Variants in PCDH9 observed in about 807,000 individuals in gnomAD.
The protein encoded by PCDH9 is protocadherin 9.
Under a neutral mutation model 70.6 loss-of-function variants are expected in PCDH9, and 24 were observed. The ratio of observed to expected loss-of-function variants is 0.34; its 90% CI spans 0.25 to 0.48. The LOEUF (loss-of-function observed/expected upper bound fraction) is 0.48, where lower values mean the gene tolerates loss of function less well. PCDH9 is among the 20% of genes least tolerant of loss of function. The probability of loss-of-function intolerance (pLI) is 0.99; values close to 1 mark genes in which losing one functional copy is unlikely to be tolerated. For missense variants in PCDH9, 1,281 were observed against 1,503.6 expected, an observed-to-expected ratio of 0.85 and a Z score of 2.45; for synonymous variants, 562 against 558.5, an observed-to-expected ratio of 1.01 and a Z score of -0.09.
At chr13:66,584,298 C>CA (rs2076933852) in intron 4 of PCDH9, among the ~76,000 whole-genome samples, 1 of 152,078 alleles carries the variant, frequency 6.6e-6, no homozygotes, top group African/African-American at 2.4e-5. Context: ...TGCAATATCT[C>CA]AAAGCAATCC....
At chr13:67,001,598 G>T (rs9540966) in intron 2 of PCDH9, among the ~76,000 whole-genome samples, 7,816 of 152,136 alleles carry the variant, frequency 0.051, 260 homozygotes, top group Non-Finnish European at 0.08. Context: ...GTGTTGTTTG[G>T]CTGTGACTGA....
intron 4 of PCDH9, among the ~76,000 whole-genome samples, chr13:66,567,448 C>T (rs1303895270): frequency 6.6e-6 from 1 of 152,076 alleles, no homozygotes; most frequent in African/African-American, 2.4e-5. Context: ...AATCTTTAAC[C>T]TTCAATTATT....
At chr13:67,001,739 C>T (rs1260441723) in intron 2 of PCDH9, 1 of 152,248 alleles carries the variant, frequency 6.6e-6, no homozygotes, top group Non-Finnish European at 1.5e-5. Flanking sequence ...CGCTTAAGAG[C>T]AGAACCTTGA....
chr13:66,965,134 A>C (rs1042386607), intron 2 of PCDH9, among the ~76,000 whole-genome samples: 11 of 152,116 alleles, frequency 7.2e-5, no homozygotes, highest in Admixed American at 1.3e-4. Flanking sequence ...TATAATGAAT[A>C]AAATTTAAAA....
Position 66,987,122 on chromosome 13 carries a change from A to G in PCDH9, c.3037-83517T>C, listed in dbSNP as rs574774916. Among the ~76,000 whole-genome samples, 17 of 152,166 alleles carry G rather than the reference A, an allele frequency of 1.1e-4. No homozygotes were observed. The South Asian group carries it at 3.5e-3, about 32-fold the overall frequency. On this transcript the variant is annotated intron_variant, in intron 2 of 4. Coordinates refer to ENST00000377865, the MANE Select transcript of PCDH9 (RefSeq NM_203487.3). ...CTTAAATTTATTACAATGAATATGT[A>G]TGTTCTTATAATTTAAAAGTAAATA...
At chr13:67,187,991 T>C (rs886080430) in intron 2 of PCDH9, among the ~76,000 whole-genome samples, 2 of 152,118 alleles carry the variant, frequency 1.3e-5, no homozygotes, top group African/African-American at 4.8e-5. Flanking sequence ...CTGTAATCAT[T>C]GTGACTATAG....
chr13:66,353,199 A>G (rs1000291067), intron 4 of PCDH9, among the ~76,000 whole-genome samples: 1 of 152,198 alleles, frequency 6.6e-6, no homozygotes, highest in Non-Finnish European at 1.5e-5. Context: ...CTGCACTTAC[A>G]TACTGGTAGA....
At chr13:66,836,384 G>A (rs992113691) in intron 3 of PCDH9, among the ~76,000 whole-genome samples, 2 of 151,828 alleles carry the variant, frequency 1.3e-5, no homozygotes, top group African/African-American at 4.8e-5. Flanking sequence ...TTATTTTCAT[G>A]TATTTTTTTA....
rs74095349 is a variant in PCDH9, at chr13:67,151,350, C to T, written c.3036+74055G>A. On this transcript the variant is annotated intron_variant, in intron 2 of 4. Transcript: ENST00000377865. Reference sequence around the variant, plus strand: ...ATTTGTTCCTCTTTAGGGATATTAACGTTTAATGCAATGAAAGAACATGAC... The same window carrying T: ...ATTTGTTCCTCTTTAGGGATATTAATGTTTAATGCAATGAAAGAACATGAC... 7.1e-3 allele frequency among the ~76,000 whole-genome samples: 1,073 copies of T among 152,176 alleles called. 12 individuals are homozygous for T. The highest frequency in any genetic ancestry group is 0.024 in the African/African-American group (1,016 of 41,530).
At chr13:67,154,187 T>C (rs1476039787) in intron 2 of PCDH9, among the ~76,000 whole-genome samples, 1 of 152,162 alleles carries the variant, frequency 6.6e-6, no homozygotes, top group Non-Finnish European at 1.5e-5. Flanking sequence ...GTGTGGTGGC[T>C]CATGCCTGTA....
Position 66,516,273 on chromosome 13 carries a change from G to A in PCDH9, c.3340+114937C>T, listed in dbSNP as rs1301278430. On this transcript the variant is annotated intron_variant, in intron 4 of 4. Transcript: ENST00000377865. ...ACTTATTAAGACAATCACGTATATAGTAGTTCAAGATTATTACTGGGTCTT... is the reference window on the plus strand; with the variant it reads ...ACTTATTAAGACAATCACGTATATAATAGTTCAAGATTATTACTGGGTCTT... Among the ~76,000 whole-genome samples, 3 of 151,878 alleles carry A rather than the reference G, an allele frequency of 2.0e-5. No individual in the cohort carries two copies. The East Asian group carries it at 5.8e-4, about 29-fold the overall frequency.
intron 3 of PCDH9, among the ~76,000 whole-genome samples, chr13:66,801,692 C>G (rs1052741335): frequency 6.6e-6 from 1 of 152,014 alleles, no homozygotes; most frequent in African/African-American, 2.4e-5. Flanking sequence ...TCTGAATGTT[C>G]AGGATTAACT....
At chr13:67,044,388 A>G (rs1230391393) in intron 2 of PCDH9, among the ~76,000 whole-genome samples, 1 of 152,220 alleles carries the variant, frequency 6.6e-6, no homozygotes, top group Admixed American at 6.5e-5. Context: ...ATGGTTATCA[A>G]AATGATACCC....
chr13:66,488,716 T>G (rs1218128323), intron 4 of PCDH9, among the ~76,000 whole-genome samples: 1 of 152,180 alleles, frequency 6.6e-6, no homozygotes, highest in Non-Finnish European at 1.5e-5. Context: ...TATATATGTG[T>G]GTGAATTTAA....
At chr13:67,190,411 T>G (rs1284744720) in intron 2 of PCDH9, among the ~76,000 whole-genome samples, 1 of 152,018 alleles carries the variant, frequency 6.6e-6, no homozygotes, top group Non-Finnish European at 1.5e-5. Flanking sequence ...GCTAGACTTC[T>G]TTATGGTAAT....
intron 3 of PCDH9, among the ~76,000 whole-genome samples, chr13:66,902,114 G>T (rs1012913814): frequency 6.6e-6 from 1 of 151,564 alleles, no homozygotes; most frequent in Non-Finnish European, 1.5e-5. Flanking sequence ...AACATACACA[G>T]TGAAGAGGAA....
At chr13:66,434,476 T>C (rs1025786436) in intron 4 of PCDH9, among the ~76,000 whole-genome samples, 1 of 152,046 alleles carries the variant, frequency 6.6e-6, no homozygotes, top group Non-Finnish European at 1.5e-5. Flanking sequence ...CTCTAAAATA[T>C]GGTACATTAA....
chr13:66,445,654 T>C (rs1046266130), intron 4 of PCDH9, among the ~76,000 whole-genome samples: 1 of 144,120 alleles, frequency 6.9e-6, no homozygotes, highest in Non-Finnish European at 1.5e-5. Context: ...ATATTATATA[T>C]ACAGATATAT....
At chr13:66,423,648 C>A (rs1957612336) in intron 4 of PCDH9, among the ~76,000 whole-genome samples, 1 of 152,098 alleles carries the variant, frequency 6.6e-6, no homozygotes, top group African/African-American at 2.4e-5. Context: ...TAAAAACACT[C>A]AATAAACTAG....
Sources: allele counts gnomAD v4.1 joint callset (sites outside exome capture counted in the v4.1 genomes callset), GRCh38; gene constraint gnomAD v4.1.1; transcripts MANE v1.5; gene names NCBI Gene and HGNC (gene_info 2026-07-23, HGNC 2026-07-21).